Variants in KIF13A observed in about 807,000 individuals in gnomAD.
The protein encoded by KIF13A is kinesin-like protein KIF13A.
A neutral mutation model predicts 212.2 loss-of-function variants in KIF13A; 79 were observed. That is an observed-to-expected ratio of 0.37 (90% confidence interval 0.31 to 0.45). The LOEUF (loss-of-function observed/expected upper bound fraction) is 0.45. Among genes scored for constraint, KIF13A ranks in the 20% least tolerant of loss-of-function variants. KIF13A has a pLI of 1.00. For synonymous variants in KIF13A, 789 were observed against 808.6 expected (o/e 0.98, Z 0.41); for missense variants, 1,901 against 2,209.0 (o/e 0.86, Z 2.79).
rs545291919 is a variant in KIF13A at position 17,926,936 on chromosome 6, G to A, written c.147-28756C>T. Among the ~76,000 whole-genome samples, 2 of 152,020 alleles carry A rather than the reference G, an allele frequency of 1.3e-5. No individual in the cohort carries two copies. Among genetic ancestry groups the A allele is most frequent in the Non-Finnish European group, 2.9e-5 (2 of 67,998 alleles). On this transcript the variant is annotated intron_variant, in intron 2 of 38. Coordinates refer to ENST00000259711, the MANE Select transcript of KIF13A (RefSeq NM_022113.6). The surrounding 1 kb of genome is among the most constrained non-coding windows in gnomAD (Gnocchi z 4.3). Reference sequence around the variant, plus strand: ...GCAGATCACTTCAGATCAGGAGTTCGAGACCAGCTGCGCCAACATGGTGAA... The same window carrying A: ...GCAGATCACTTCAGATCAGGAGTTCAAGACCAGCTGCGCCAACATGGTGAA...
intron 9 of KIF13A, among the ~76,000 whole-genome samples, chr6:17,845,345 A>G (rs1204857511): frequency 3.3e-5 from 5 of 152,194 alleles, no homozygotes; most frequent in African/African-American, 1.2e-4. Context: ...TACTAGAAAT[A>G]CCATGCTTAC....
chr6:17,850,914 C>T lies in KIF13A; in HGVS notation c.583-457G>A, dbSNP rs1767580076. Among the ~76,000 whole-genome samples the T allele has an allele frequency of 6.6e-6, 1 of 152,168 alleles. No individual in the cohort carries two copies. The highest frequency in any genetic ancestry group is 6.5e-5 in the Admixed American group (1 of 15,274). On this transcript the variant is annotated intron_variant, in intron 7 of 38. Coordinates refer to ENST00000259711, the MANE Select transcript of KIF13A (RefSeq NM_022113.6). The surrounding 1 kb of genome is among the most constrained non-coding windows in gnomAD (Gnocchi z 6.2). Reference sequence around the variant, plus strand: ...ACACTTGCTCCTAGAATGCCTAGAGCCTATGGGATCTTATGAAATATTTGC... The same window carrying T: ...ACACTTGCTCCTAGAATGCCTAGAGTCTATGGGATCTTATGAAATATTTGC...
chr6:17,874,775 C>T (rs1422235743), intron 3 of KIF13A, among the ~76,000 whole-genome samples: 1 of 151,772 alleles, frequency 6.6e-6, no homozygotes, highest in Non-Finnish European at 1.5e-5. Flanking sequence ...CTCTCCCACT[C>T]TTCCCCTCAA....
chr6:17,859,634 A>AT (rs1187732765), intron 4 of KIF13A, among the ~76,000 whole-genome samples: 36 of 103,670 alleles, frequency 3.5e-4, no homozygotes, highest in African/African-American at 1.4e-3. Context: ...ATATATATAT[A>AT]TATATTTTTT....
chr6:17,784,562 T>C (rs1470370263), intron 28 of KIF13A, among the ~76,000 whole-genome samples: 1 of 152,162 alleles, frequency 6.6e-6, no homozygotes, highest in Non-Finnish European at 1.5e-5. Flanking sequence ...GGTCCTTCCT[T>C]TCTCTTCTGA....
Position 17,783,618 on chromosome 6 carries a change from A to G in KIF13A, c.3544+28T>C, listed in dbSNP as rs1331076184. ...TTACAAACCTTAGTTAAATACAATA[A>G]TCCCTGTGACTTTAAGTGTCTACTT... On this transcript the variant is annotated intron_variant, in intron 29 of 38. Transcript: ENST00000259711. The surrounding 1 kb of genome is among the most constrained non-coding windows in gnomAD (Gnocchi z 4.3). 5.6e-6 allele frequency: 8 copies of G among 1,428,032 alleles called. No individual in the cohort carries two copies. Among genetic ancestry groups the G allele is most frequent in the Non-Finnish European group, 7.8e-6 (8 of 1,029,442 alleles). 88.5% of individuals were successfully genotyped at this position (1,428,032 alleles called of 1,614,324 possible). A position where few individuals can be genotyped will look rare whatever the true frequency, so the allele number is the denominator to read the frequency against.
chr6:17,856,315 C>A lies in KIF13A; in HGVS notation c.221-193G>T, dbSNP rs1338814963. On this transcript the variant is annotated intron_variant, in intron 4 of 38. Transcript: ENST00000259711. The surrounding 1 kb of genome is among the most constrained non-coding windows in gnomAD (Gnocchi z 4.5). ...CACACTTCTAAACTACAGCTCAGTA[C>A]CTGGATACACTGTTTCCCTCTAAGA... Among the ~76,000 whole-genome samples the A allele has an allele frequency of 2.0e-5, 3 of 152,146 alleles. No homozygotes were observed. The highest frequency in any genetic ancestry group is 6.5e-5 in the Admixed American group (1 of 15,270).
intron 14 of KIF13A, among the ~76,000 whole-genome samples, chr6:17,827,071 T>A (rs1329078073): frequency 1.4e-5 from 2 of 141,188 alleles, no homozygotes; most frequent in Non-Finnish European, 3.1e-5. Context: ...CAAAATAAAT[T>A]AAAAAAAAAA....
chr6:17,775,003 A>C lies in KIF13A; in HGVS notation c.4218+12T>G. The C allele has an allele frequency of 6.2e-7, 1 of 1,606,528 alleles. No individual in the cohort carries two copies. Among genetic ancestry groups the C allele is most frequent in the Admixed American group, 1.7e-5 (1 of 59,342 alleles). The stretch of plus-strand genomic sequence containing the variant: ...TTCTACTAAAAACCTAGCCATGCCC[A>C]TAGGTGCATACCTTGTCATCTTCAT... On this transcript the variant is annotated intron_variant, in intron 35 of 38. Coordinates refer to ENST00000259711, the MANE Select transcript of KIF13A (RefSeq NM_022113.6).
In KIF13A at chr6:17,868,640, CCAGA is replaced by C. The variant is rs573635586; in HGVS notation, c.220+4733_220+4736del. 8.6e-5 allele frequency among the ~76,000 whole-genome samples: 13 copies of C among 151,286 alleles called. No individual in the cohort carries two copies. The South Asian group carries it at 2.7e-3, about 32-fold the overall frequency. On this transcript the variant is annotated intron_variant, in intron 4 of 38. Coordinates refer to ENST00000259711, the MANE Select transcript of KIF13A (RefSeq NM_022113.6). The stretch of plus-strand genomic sequence containing the variant: ...AAAATTTTTGCTTCAGAATTATCTG[CCAGA>C]CAAACATTATTACAACTACCTAGCC...
At chr6:17,979,315 G>A (rs1215065829) in intron 2 of KIF13A, among the ~76,000 whole-genome samples, 1 of 152,090 alleles carries the variant, frequency 6.6e-6, no homozygotes, top group African/African-American at 2.4e-5. Flanking sequence ...CCAGCTTTTT[G>A]TATTAACAAA....
rs868627504 is a variant in KIF13A at position 17,968,209 on chromosome 6, C to T, written c.146+18845G>A. Among the ~76,000 whole-genome samples, 3 of 152,196 alleles carry T rather than the reference C, an allele frequency of 2.0e-5. No homozygotes were observed. The highest frequency in any genetic ancestry group is 6.5e-5 in the Admixed American group (1 of 15,284). On this transcript the variant is annotated intron_variant, in intron 2 of 38. Transcript: ENST00000259711. This position sits in a 1 kb window ranked among gnomAD's most constrained non-coding sequence, Gnocchi z 4.7. Reference sequence around the variant, plus strand: ...AGAACGAGAAGAACCCAGAGATCCCCGCTTACTCACCAGGAGAAAGAAGAG... The same window carrying T: ...AGAACGAGAAGAACCCAGAGATCCCTGCTTACTCACCAGGAGAAAGAAGAG...
intron 9 of KIF13A, among the ~76,000 whole-genome samples, chr6:17,848,597 G>A (rs1006957913): frequency 7.8e-5 from 9 of 115,758 alleles, no homozygotes; most frequent in Admixed American, 2.5e-4. Flanking sequence ...ACAGAGTCTC[G>A]CTCTGTTGCC....
chr6:17,936,702 T>C (rs1669805010), intron 2 of KIF13A, among the ~76,000 whole-genome samples: 2 of 152,112 alleles, frequency 1.3e-5, no homozygotes, highest in African/African-American at 4.8e-5. Context: ...TTAACAAACA[T>C]CATAAAAGTC....
intron 2 of KIF13A, among the ~76,000 whole-genome samples, chr6:17,972,801 C>T (rs994527078): frequency 3.4e-5 from 5 of 145,612 alleles, no homozygotes; most frequent in Admixed American, 2.8e-4. Context: ...TCAAAGGCTT[C>T]CTTCCTGTTC....
chr6:17,958,864 CTTTTT>C (rs1423036996), intron 2 of KIF13A, among the ~76,000 whole-genome samples: 2 of 120,936 alleles, frequency 1.7e-5, no homozygotes, highest in Admixed American at 8.8e-5. Flanking sequence ...ATTTGTGTGT[CTTTTT>C]CTTTTTCTTT....
At chr6:17,779,727 T>G (rs1554162857) in intron 31 of KIF13A, 43 bp from the exon 32 acceptor site, 1 of 799,264 alleles carries the variant, frequency 1.3e-6, no homozygotes, top group Non-Finnish European at 2.0e-6. Flanking sequence ...ATGTGACAAA[T>G]GTAAGTTATT....
rs1778822165 is a variant in KIF13A, at chr6:17,961,629, G to A, written c.146+25425C>T. ...AAAGGACAGAAAGATCCTTCACCCAGGGCTTAGTAAATAGAATAGCTATGT... is the reference window on the plus strand; with the variant it reads ...AAAGGACAGAAAGATCCTTCACCCAAGGCTTAGTAAATAGAATAGCTATGT... On this transcript the variant is annotated intron_variant, in intron 2 of 38. Coordinates refer to ENST00000259711, the MANE Select transcript of KIF13A (RefSeq NM_022113.6). The surrounding 1 kb of genome is among the most constrained non-coding windows in gnomAD (Gnocchi z 4.1). Among the ~76,000 whole-genome samples, 2 of 152,170 alleles carry A rather than the reference G, an allele frequency of 1.3e-5. No homozygotes were observed. The highest frequency in any genetic ancestry group is 1.3e-4 in the Admixed American group (2 of 15,274).
chr6:17,801,481 A>C (rs1444797475), intron 20 of KIF13A, among the ~76,000 whole-genome samples: 1 of 152,218 alleles, frequency 6.6e-6, no homozygotes, highest in Non-Finnish European at 1.5e-5. Context: ...TAACCTGGGC[A>C]ACAGAGTGAG....
Sources: gnomAD v4.1 joint callset for allele counts (sites outside exome capture counted in the v4.1 genomes callset) on GRCh38, gnomAD v4.1.1 for gene constraint, Gnocchi (gnomAD v3.1) non-coding constraint, MANE v1.5 for transcripts, NCBI Gene and HGNC (gene_info 2026-07-23, HGNC 2026-07-21) for gene names.